KBTBD12: variants seen among roughly 807,000 people sequenced by gnomAD.
KBTBD12 encodes kelch repeat and BTB domain containing 12.
Under a neutral mutation model 58.7 loss-of-function variants are expected in KBTBD12, and 53 were observed. That is an observed-to-expected ratio of 0.90 (90% confidence interval 0.72 to 1.14). KBTBD12 has a LOEUF of 1.14. Ranked by LOEUF, KBTBD12 falls within the 50% of genes most tolerant of loss-of-function variation. The probability of loss-of-function intolerance (pLI) is 0.00; values close to 1 mark genes in which losing one functional copy is unlikely to be tolerated. For missense variants in KBTBD12, 704 were observed against 751.3 expected (o/e 0.94, Z 0.74); for synonymous variants, 236 against 259.8 (o/e 0.91, Z 0.88).
At chr3:127,926,518 G>C (rs1022291425) in intron 2 of KBTBD12, among the ~76,000 whole-genome samples, 10 of 152,114 alleles carry the variant, frequency 6.6e-5, no homozygotes. Flanking sequence ...ATCATAAGGC[G>C]TGATAAATTT....
chr3:127,980,416 A>G (rs1259327459), intron 5 of KBTBD12, among the ~76,000 whole-genome samples: 2 of 152,000 alleles, frequency 1.3e-5, no homozygotes, highest in Non-Finnish European at 2.9e-5. Flanking sequence ...TGCAACCTCT[A>G]CCTCCTGGGT....
intron 4 of KBTBD12, among the ~76,000 whole-genome samples, chr3:127,935,589 C>T (rs62270558): frequency 6.6e-6 from 1 of 152,072 alleles, no homozygotes; most frequent in South Asian, 2.1e-4. Flanking sequence ...AGTGAGCCGC[C>T]TGCTCAAAGA....
At chr3:127,969,007 G>C (rs534743535) in intron 5 of KBTBD12, among the ~76,000 whole-genome samples, 1 of 152,048 alleles carries the variant, frequency 6.6e-6, no homozygotes, top group African/African-American at 2.4e-5. Flanking sequence ...AGACTGAAAG[G>C]TTTCCCCCTA....
rs1939485975 is a variant in KBTBD12 at position 127,923,672 on chromosome 3, A to G, written c.611A>G (p.His204Arg). The G allele has an allele frequency of 1.9e-6, 3 of 1,613,740 alleles. No homozygotes were observed. The highest frequency in any genetic ancestry group is 1.3e-5 in the African/African-American group (1 of 74,946). ...ILDLVLRWVN[H>R]NKELRTVHLV... ...GACTTAGTTCTGAGATGGGTAAATCATAACAAAGAATTGCGTACAGTGCAT... is the reference window on the plus strand; with the variant it reads ...GACTTAGTTCTGAGATGGGTAAATCGTAACAAAGAATTGCGTACAGTGCAT... Residue 204 changes from histidine to arginine, a missense_variant, in exon 2 of 6, where the codon CAT becomes CGT. By Grantham distance (29) the His-to-Arg change is conservative. Transcript: ENST00000405109.
At chr3:127,966,144 T>A (rs915406560) in intron 5 of KBTBD12, among the ~76,000 whole-genome samples, 3 of 152,106 alleles carry the variant, frequency 2.0e-5, no homozygotes, top group African/African-American at 7.2e-5. Context: ...GAGTGGAAGG[T>A]TGCATATTGA....
chr3:127,943,187 T>C (rs888709142), intron 4 of KBTBD12, among the ~76,000 whole-genome samples: 1 of 152,222 alleles, frequency 6.6e-6, no homozygotes, highest in Non-Finnish European at 1.5e-5. Flanking sequence ...ACTGATTTCA[T>C]TTCCTTTGTG....
chr3:127,918,830 C>T (rs1196705019), intron 1 of KBTBD12, among the ~76,000 whole-genome samples: 3 of 151,964 alleles, frequency 2.0e-5, no homozygotes, highest in East Asian at 1.9e-4. Flanking sequence ...AGTCAGGAGA[C>T]GAGGCAGGAA....
In KBTBD12 at chr3:127,930,198, A is replaced by T; in HGVS notation, c.1407A>T (p.Gln469His). 1 of 1,607,620 alleles carries T rather than the reference A, an allele frequency of 6.2e-7. No homozygotes were observed. The highest frequency in any genetic ancestry group is 8.5e-7 in the Non-Finnish European group (1 of 1,176,726). Residue 469 changes from glutamine (Q) to histidine (H), a missense_variant, in exon 4 of 6, where the codon CAA becomes CAT. Physicochemically the swap from Gln to His is conservative, Grantham distance 24. Coordinates refer to ENST00000405109, the MANE Select transcript of KBTBD12 (RefSeq NM_207335.4). ...SNKLLQYDPS[Q>H]DQWSVRAPMK... ...AACTGTTGCAGTATGACCCCAGCCA[A>T]GATCAATGGAGTGTGCGGGCACCCA...
intron 5 of KBTBD12, among the ~76,000 whole-genome samples, chr3:127,972,164 C>G (rs1453110542): frequency 6.6e-6 from 1 of 152,160 alleles, no homozygotes; most frequent in Non-Finnish European, 1.5e-5. Flanking sequence ...TTGATTCTCT[C>G]AACAGCCTGC....
At chr3:127,968,771 A>C (rs62271663) in intron 5 of KBTBD12, among the ~76,000 whole-genome samples, 11,172 of 152,160 alleles carry the variant, frequency 0.073, 517 homozygotes, top group Non-Finnish European at 0.1. Context: ...CTCGGAACTT[A>C]AAATAAAAGT....
intron 5 of KBTBD12, among the ~76,000 whole-genome samples, chr3:127,964,266 G>C (rs111956880): frequency 2.0e-5 from 3 of 152,260 alleles, no homozygotes; most frequent in African/African-American, 7.2e-5. Context: ...CCAGGTTAAA[G>C]TAAAGCTGAT....
At chr3:127,983,235 T>TTTAACAACAACA (rs1940903289) in intron 5 of KBTBD12, among the ~76,000 whole-genome samples, 1 of 152,238 alleles carries the variant, frequency 6.6e-6, no homozygotes, top group Non-Finnish European at 1.5e-5. Context: ...AAAGTATCTT[T>TTTAACAACAACA]ATTCAGTTGT....
chr3:127,923,715 G>A lies in KBTBD12; in HGVS notation c.654G>A (p.Lys218=). ...LRTVHLVELL[K]QVRLELVNPS... Reference sequence around the variant, plus strand: ...CAGTGCATCTTGTTGAGCTTTTGAAGCAAGTCAGATTGGAACTTGTAAATC... The same window carrying A: ...CAGTGCATCTTGTTGAGCTTTTGAAACAAGTCAGATTGGAACTTGTAAATC... Residue 218 remains lysine (K), a synonymous_variant, in exon 2 of 6, where the codon AAG becomes AAA. Coordinates refer to ENST00000405109, the MANE Select transcript of KBTBD12 (RefSeq NM_207335.4). 6.2e-7 allele frequency: 1 copy of A among 1,613,850 alleles called. No individual in the cohort carries two copies. Among genetic ancestry groups the A allele is most frequent in the Non-Finnish European group, 8.5e-7 (1 of 1,179,812 alleles).
chr3:127,976,813 G>A (rs1940792405), intron 5 of KBTBD12, among the ~76,000 whole-genome samples: 1 of 152,114 alleles, frequency 6.6e-6, no homozygotes, highest in Non-Finnish European at 1.5e-5. Flanking sequence ...TGTACCACAG[G>A]ACCTCTGTTC....
At chr3:127,937,138 C>G (rs1258205353) in intron 4 of KBTBD12, among the ~76,000 whole-genome samples, 1 of 150,994 alleles carries the variant, frequency 6.6e-6, no homozygotes, top group Non-Finnish European at 1.5e-5. Context: ...AAACAAGACA[C>G]CTTGAGCAAG....
intron 1 of KBTBD12, among the ~76,000 whole-genome samples, chr3:127,922,673 A>G (rs1487851706): frequency 2.0e-5 from 3 of 152,160 alleles, no homozygotes; most frequent in Non-Finnish European, 2.9e-5. Flanking sequence ...AAATGTGCCC[A>G]GCTTATCACT....
At chr3:127,937,237 G>A (rs1275190234) in intron 4 of KBTBD12, among the ~76,000 whole-genome samples, 1 of 151,980 alleles carries the variant, frequency 6.6e-6, no homozygotes, top group Non-Finnish European at 1.5e-5. Flanking sequence ...TCACATACTG[G>A]AAGTGTCAGA....
At chr3:127,916,741 A>G (rs963607331) in intron 1 of KBTBD12, among the ~76,000 whole-genome samples, 7 of 152,034 alleles carry the variant, frequency 4.6e-5, no homozygotes, top group Non-Finnish European at 1.0e-4. Flanking sequence ...CCAATTTGTA[A>G]TCTCAGGCGT....
At chr3:127,963,888 A>G (rs933355272) in intron 5 of KBTBD12, among the ~76,000 whole-genome samples, 4 of 152,222 alleles carry the variant, frequency 2.6e-5, no homozygotes, top group Admixed American at 2.0e-4. Context: ...TTATCTGATC[A>G]AGACTCAGAA....
Sources: allele counts gnomAD v4.1 joint callset (sites outside exome capture counted in the v4.1 genomes callset), GRCh38; gene constraint gnomAD v4.1.1; transcripts MANE v1.5; gene names NCBI Gene and HGNC (gene_info 2026-07-23, HGNC 2026-07-21).